MCAT: variants seen among roughly 807,000 people sequenced by gnomAD.
MCAT encodes malonyl-CoA-acyl carrier protein transacylase.
In MCAT, 22 loss-of-function variants were observed where a neutral mutation model predicts 22.9. The observed-to-expected ratio is 0.96, with a 90% CI of 0.69 to 1.37. The LOEUF is 1.37. Among genes scored for constraint, MCAT ranks in the 40% most tolerant of loss-of-function variants. MCAT has a pLI of 0.00. For missense variants in MCAT, 534 were observed against 533.6 expected (o/e 1.00, Z -0.01); for synonymous variants, 240 against 233.9 (o/e 1.03, Z -0.24).
Position 43,133,077 on chromosome 22 carries a change from T to C in MCAT, c.1139A>G (p.His380Arg). The change falls in exon 4 of 4, where the codon CAT becomes CGT. Residue 380 changes from histidine (H) to arginine (R), a missense_variant. Physicochemically the swap from His to Arg is conservative, Grantham distance 29. Transcript: ENST00000290429. Reference protein sequence around the residue: ...SAVDVLQTLEHVDLDPQEPPR With the variant: ...SAVDVLQTLERVDLDPQEPPR Reference sequence around the variant, plus strand: ...GGGCTCCTGAGGGTCCAGGTCCACATGTTCGAGGGTCTGCAGCACATCCAC... The same window carrying C: ...GGGCTCCTGAGGGTCCAGGTCCACACGTTCGAGGGTCTGCAGCACATCCAC... 2 of 1,614,046 alleles carry C rather than the reference T, an allele frequency of 1.2e-6. No homozygotes were observed. The highest frequency in any genetic ancestry group is 1.7e-6 in the Non-Finnish European group (2 of 1,179,988).
At chr22:43,139,938 A>C (rs991174776) in intron 2 of MCAT, among the ~76,000 whole-genome samples, 1 of 152,216 alleles carries the variant, frequency 6.6e-6, no homozygotes, top group African/African-American at 2.4e-5. Flanking sequence ...TGTTTCATAA[A>C]ATGTGAAATT....
At position 43,142,946 on chromosome 22, in the gene MCAT, G is replaced by C; in HGVS notation, c.403C>G (p.Leu135Val). The change falls in exon 1 of 4, where the codon CTA becomes GTA. Residue 135 changes from leucine (L) to valine (V), a missense_variant. By Grantham distance (32) the Leu-to-Val change is conservative (BLOSUM62 1). Coordinates refer to ENST00000290429, the MANE Select transcript of MCAT (RefSeq NM_173467.5). ...CTCACCGAGGGCTGCAGGTGATGTAGTTTCTCGACAGCGGCCAGCGATGCC... is the reference window on the plus strand; with the variant it reads ...CTCACCGAGGGCTGCAGGTGATGTACTTTCTCGACAGCGGCCAGCGATGCC... Reference protein sequence around the residue: ...FVASLAAVEKLHHLQPSVIEN... With the variant: ...FVASLAAVEKVHHLQPSVIEN... 2.5e-6 allele frequency: 4 copies of C among 1,585,122 alleles called. No individual in the cohort carries two copies. The highest frequency in any genetic ancestry group is 3.4e-6 in the Non-Finnish European group (4 of 1,165,162).
rs759171945 is a variant in MCAT, at chr22:43,142,983, G to A, written c.366C>T (p.Pro122=). Residue 122 remains proline (P), a synonymous_variant, in exon 1 of 4, where the codon CCC becomes CCT. Coordinates refer to ENST00000290429, the MANE Select transcript of MCAT (RefSeq NM_173467.5). ...ETLDRTVHCQ[P]AIFVASLAAV... ...CGGCCAGCGATGCCACGAAGATCGC[G>A]GGCTGACAGTGCACGGTGCGGTCCA... 50 of 1,599,248 alleles carry A rather than the reference G, an allele frequency of 3.1e-5. No individual in the cohort carries two copies. The highest frequency in any genetic ancestry group is 4.1e-5 in the Non-Finnish European group (48 of 1,172,886).
chr22:43,138,338 C>G (rs1459066516), intron 2 of MCAT, among the ~76,000 whole-genome samples: 2 of 152,214 alleles, frequency 1.3e-5, no homozygotes, highest in Non-Finnish European at 2.9e-5. Flanking sequence ...CCACTTAGAG[C>G]TGGAGAACCT....
chr22:43,132,893 G>A lies in MCAT; in HGVS notation c.*150C>T. 1 of 660,866 alleles carries A rather than the reference G, an allele frequency of 1.5e-6. No individual in the cohort carries two copies. The highest frequency in any genetic ancestry group is 2.6e-6 in the Non-Finnish European group (1 of 385,740). 40.9% of individuals were successfully genotyped at this position (660,866 alleles called of 1,614,324 possible). A position where few individuals can be genotyped will look rare whatever the true frequency, so the allele number is the denominator to read the frequency against. The stretch of plus-strand genomic sequence containing the variant: ...CATGTAAAGAAATACTCATTTTTAG[G>A]GCTTTTTATGTGGCCTTCAAAGCAC... On this transcript the variant is annotated 3_prime_UTR_variant, in exon 4 of 4. Transcript: ENST00000290429.
intron 2 of MCAT, among the ~76,000 whole-genome samples, chr22:43,138,164 C>T (rs1930672489): frequency 6.6e-6 from 1 of 152,180 alleles, no homozygotes; most frequent in African/African-American, 2.4e-5. Flanking sequence ...CAGGTTGAGG[C>T]TGCAGCTGTA....
Position 43,143,146 on chromosome 22 carries a change from G to T in MCAT, c.203C>A (p.Pro68Gln). 1 of 1,590,586 alleles carries T rather than the reference G, an allele frequency of 6.3e-7. No homozygotes were observed. The highest frequency in any genetic ancestry group is 2.3e-5 in the East Asian group (1 of 44,342). The change falls in exon 1 of 4, where the codon CCG becomes CAG. Residue 68 changes from proline to glutamine, a missense_variant. Pro to Gln is a moderately conservative substitution (Grantham distance 76). Transcript: ENST00000290429. The part of the protein sequence containing the change: ...MPGQCSVLLF[P>Q]GQGSQVVGMG... ...GCCCACCACCTGGCTGCCCTGGCCC[G>T]GGAAGAGCAGCACGGAGCACTGGCC...
intron 2 of MCAT, among the ~76,000 whole-genome samples, chr22:43,138,855 T>G (rs906354353): frequency 7.9e-5 from 12 of 152,230 alleles, no homozygotes; most frequent in Non-Finnish European, 1.5e-5. Context: ...TTAAGGGACC[T>G]GCACAGTGTT....
At chr22:43,134,409 G>A (rs1439135201) in intron 3 of MCAT, among the ~76,000 whole-genome samples, 4 of 151,964 alleles carry the variant, frequency 2.6e-5, no homozygotes, top group African/African-American at 9.7e-5. Flanking sequence ...GTGCAAAGGT[G>A]CGATCTTGGC....
chr22:43,142,448 T>C (rs965905690), intron 1 of MCAT, among the ~76,000 whole-genome samples: 3 of 150,446 alleles, frequency 2.0e-5, no homozygotes, highest in Admixed American at 2.0e-4. Context: ...GACTGCGCCA[T>C]TGCACTCCAG....
At chr22:43,140,930 C>G in intron 2 of MCAT, 1 of 556,132 alleles carries the variant, frequency 1.8e-6, no homozygotes, top group Non-Finnish European at 3.2e-6. Flanking sequence ...GCGGGTTAGA[C>G]AGTTCAGCAA....
rs146216961 is a variant in MCAT at position 43,133,317 on chromosome 22, T to C, written c.899A>G (p.Asn300Ser). ...IKKPLVSVYS[N>S]VHAHRYRHPG... ...ATGCCTGTATCTATGCGCGTGGACG[T>C]TGGAGTAGACAGAAACCAGAGGCTT... The change falls in exon 4 of 4, where the codon AAC becomes AGC. Residue 300 changes from asparagine to serine, a missense_variant. Physicochemically the swap from Asn to Ser is conservative, Grantham distance 46 (BLOSUM62 1). Coordinates refer to ENST00000290429, the MANE Select transcript of MCAT (RefSeq NM_173467.5). The C allele has an allele frequency of 6.6e-4, 1,070 of 1,614,196 alleles. 1 individual carries two copies. Among genetic ancestry groups the C allele is most frequent in the Non-Finnish European group, 8.5e-4 (998 of 1,180,024 alleles).
chr22:43,141,921 C>A (rs1930780268), intron 1 of MCAT, among the ~76,000 whole-genome samples: 1 of 152,318 alleles, frequency 6.6e-6, no homozygotes, highest in Middle Eastern at 3.4e-3. Context: ...AAGAACAGGG[C>A]CTACCCCAAA....
intron 1 of MCAT, 143 bp from the exon 2 acceptor site, chr22:43,141,392 A>G: frequency 1.5e-6 from 1 of 676,840 alleles, no homozygotes; most frequent in Non-Finnish European, 2.6e-6. Flanking sequence ...AAGAGGACAC[A>G]CAAAAGTGAC....
At chr22:43,142,138 A>T (rs893222343) in intron 1 of MCAT, among the ~76,000 whole-genome samples, 5 of 152,236 alleles carry the variant, frequency 3.3e-5, no homozygotes, top group African/African-American at 1.2e-4. Context: ...AGGGTAAAGG[A>T]TCTCAAGTGC....
At chr22:43,135,007 T>C (rs576431336) in intron 3 of MCAT, among the ~76,000 whole-genome samples, 1 of 152,328 alleles carries the variant, frequency 6.6e-6, no homozygotes, top group Non-Finnish European at 1.5e-5. Context: ...AGCTGAGCCC[T>C]CTCAAGTCCC....
chr22:43,132,976 G>T lies in MCAT; in HGVS notation c.*67C>A. 1 of 1,469,756 alleles carries T rather than the reference G, an allele frequency of 6.8e-7. No individual in the cohort carries two copies. Among genetic ancestry groups the T allele is most frequent in the Non-Finnish European group, 9.3e-7 (1 of 1,075,852 alleles). The allele number at this position is 1,469,756 out of a possible 1,614,324, so 91.0% of individuals were successfully genotyped here. A position where few individuals can be genotyped will look rare whatever the true frequency, so the allele number is the denominator to read the frequency against. On this transcript the variant is annotated 3_prime_UTR_variant, in exon 4 of 4. Transcript: ENST00000290429. The stretch of plus-strand genomic sequence containing the variant: ...AGGAGCCATTAGGAAGGTAGGGGGC[G>T]ACAGGCACAGCCTACAGCCTCTCCT...
chr22:43,143,090 C>G lies in MCAT; in HGVS notation c.259G>C (p.Val87Leu), dbSNP rs948756864. Residue 87 changes from valine (V) to leucine (L), a missense_variant, in exon 1 of 4, where the codon GTC (valine) becomes CTC (leucine). By Grantham distance (32) the Val-to-Leu change is conservative. Transcript: ENST00000290429. ...MGRGLLNYPR[V>L]RELYAAARRV... ...CGGGCGGCGGCGTAGAGTTCGCGGA[C>G]GCGCGGGTAGTTGAGCAGACCGCGG... 4.4e-6 allele frequency: 7 copies of G among 1,606,864 alleles called. No homozygotes were observed. Among genetic ancestry groups the G allele is most frequent in the African/African-American group, 1.3e-5 (1 of 74,862 alleles).
At chr22:43,140,505 T>C (rs530442157) in intron 2 of MCAT, among the ~76,000 whole-genome samples, 1 of 152,284 alleles carries the variant, frequency 6.6e-6, no homozygotes, top group South Asian at 2.1e-4. Context: ...CACACCAACA[T>C]GCCTGGCTAA....
Sources: gnomAD v4.1 joint callset for allele counts (sites outside exome capture counted in the v4.1 genomes callset) on GRCh38, gnomAD v4.1.1 for gene constraint, MANE v1.5 for transcripts, NCBI Gene and HGNC (gene_info 2026-07-23, HGNC 2026-07-21) for gene names.